Variants in WDTC1 observed in about 807,000 individuals in gnomAD.
WDTC1 encodes the protein WD and tetratricopeptide repeats 1.
WDTC1 carries 12 observed loss-of-function variants against 76.0 expected under a neutral mutation model. That is an observed-to-expected ratio of 0.16 (90% CI 0.10 to 0.26). The LOEUF is 0.26. Ranked by LOEUF, WDTC1 falls within the 10% of genes least tolerant of loss-of-function variation. The pLI is 1.00. For synonymous variants in WDTC1, 326 were observed against 350.8 expected, an observed-to-expected ratio of 0.93 and a Z score of 0.79; for missense variants, 511 against 908.8, an observed-to-expected ratio of 0.56 and a Z score of 5.63.
In WDTC1 at chr1:27,246,710, C is replaced by T. The variant is rs371979443; in HGVS notation, c.-100+11759C>T. 9.9e-4 allele frequency among the ~76,000 whole-genome samples: 147 copies of T among 149,058 alleles called. 3 individuals are homozygous for T. In the South Asian group the frequency reaches 0.027, roughly 27 times the overall value. On this transcript the variant is annotated intron_variant, in intron 1 of 15. Transcript: ENST00000319394. Reference sequence around the variant, plus strand: ...CTGAGTAGCTGGGATTACAGGTGCCCGCCACCACGCCCGGCTAATTTTTGT... The same window carrying T: ...CTGAGTAGCTGGGATTACAGGTGCCTGCCACCACGCCCGGCTAATTTTTGT...
rs780999210 is a variant in WDTC1, at chr1:27,305,025, C to T, written c.1668C>T (p.Gly556=). 5.0e-6 allele frequency: 8 copies of T among 1,613,966 alleles called. No homozygotes were observed. The highest frequency in any genetic ancestry group is 6.8e-6 in the Non-Finnish European group (8 of 1,179,906). ...GCAACGCTCAGTATATCGTCAGTGGCTCTGACGATGGCTCCTTCTTCATCT... is the reference window on the plus strand; with the variant it reads ...GCAACGCTCAGTATATCGTCAGTGGTTCTGACGATGGCTCCTTCTTCATCT... ...FGSNAQYIVS[G]SDDGSFFIWE... is the part of the protein sequence containing the mutation. Residue 556 remains glycine (G), a synonymous_variant, in exon 15 of 16, where the codon GGC becomes GGT. Coordinates refer to ENST00000319394, the MANE Select transcript of WDTC1 (RefSeq NM_001276252.2). This position sits in a 1 kb window ranked among gnomAD's most constrained non-coding sequence, Gnocchi z 4.6.
chr1:27,293,653 C>T (rs1324993579), intron 7 of WDTC1, among the ~76,000 whole-genome samples: 3 of 152,056 alleles, frequency 2.0e-5, no homozygotes, highest in Non-Finnish European at 4.4e-5. Context: ...CTGGGCTTTC[C>T]ATGATTCTTG....
chr1:27,288,070 C>G lies in WDTC1; in HGVS notation c.479+209C>G, dbSNP rs2013395515. 2.6e-5 allele frequency among the ~76,000 whole-genome samples: 4 copies of G among 152,152 alleles called. No individual in the cohort carries two copies. In the South Asian group the frequency reaches 8.3e-4, roughly 32 times the overall value. ...CTCTTTGCCCTCCTTTGTACTACCT[C>G]TAGGCCCACAAGCTTTTTCTCACCA... On this transcript the variant is annotated intron_variant, in intron 6 of 15. Coordinates refer to ENST00000319394, the MANE Select transcript of WDTC1 (RefSeq NM_001276252.2).
At chr1:27,281,685 C>CTCA (rs756329872) in intron 3 of WDTC1, among the ~76,000 whole-genome samples, 2 of 152,032 alleles carry the variant, frequency 1.3e-5, no homozygotes. Flanking sequence ...ACCTCCCAGG[C>CTCA]TCAAGTCATC....
intron 11 of WDTC1, 147 bp from the exon 12 acceptor site, chr1:27,297,791 A>G: frequency 1.4e-6 from 1 of 731,030 alleles, no homozygotes; most frequent in East Asian, 2.9e-5. Context: ...AATATCCCAG[A>G]CCAGGGTAGT....
At position 27,274,816 on chromosome 1, in the gene WDTC1, G is replaced by A. The variant is rs114588600; in HGVS notation, c.133-7423G>A. Among the ~76,000 whole-genome samples, 1,928 of 152,282 alleles carry A rather than the reference G, an allele frequency of 0.013. 23 individuals are homozygous for A. The highest frequency in any genetic ancestry group is 0.024 in the East Asian group (125 of 5,188). ...CCAGGGATCTCCCAAGATCACCTTGGAAGTTGTGATCACACTTTGATTCCT... is the reference window on the plus strand; with the variant it reads ...CCAGGGATCTCCCAAGATCACCTTGAAAGTTGTGATCACACTTTGATTCCT... On this transcript the variant is annotated intron_variant, in intron 3 of 15. Coordinates refer to ENST00000319394, the MANE Select transcript of WDTC1 (RefSeq NM_001276252.2). This position sits in a 1 kb window ranked among gnomAD's most constrained non-coding sequence, Gnocchi z 4.2.
intron 3 of WDTC1, 100 bp from the exon 4 acceptor site, chr1:27,282,139 G>A: frequency 8.6e-7 from 1 of 1,167,848 alleles, no homozygotes; most frequent in Non-Finnish European, 1.3e-6. Context: ...TATTGAAAAT[G>A]GAAAGACTGG....
At position 27,301,358 on chromosome 1, in the gene WDTC1, C is replaced by T. The variant is rs2013828052; in HGVS notation, c.1365C>T (p.Cys455=). 6.2e-7 allele frequency: 1 copy of T among 1,614,206 alleles called. No individual in the cohort carries two copies. The highest frequency in any genetic ancestry group is 1.3e-5 in the African/African-American group (1 of 75,044). Residue 455 remains cysteine, a synonymous_variant, in exon 13 of 16, where the codon TGC becomes TGT. Coordinates refer to ENST00000319394, the MANE Select transcript of WDTC1 (RefSeq NM_001276252.2). The surrounding 1 kb of genome is among the most constrained non-coding windows in gnomAD (Gnocchi z 5.8). Reference sequence around the variant, plus strand: ...AGTATGTGGCTGAAGCCCTGGAGTGCCTGGACGACTTCAAAGGGAAATTTC... The same window carrying T: ...AGTATGTGGCTGAAGCCCTGGAGTGTCTGGACGACTTCAAAGGGAAATTTC... The part of the protein sequence containing the change: ...ELKYVAEALE[C]LDDFKGKFPE...
In WDTC1 at chr1:27,268,874, C is replaced by A. The variant is rs569136280; in HGVS notation, c.132+5639C>A. Among the ~76,000 whole-genome samples the A allele has an allele frequency of 3.3e-5, 5 of 151,294 alleles. No homozygotes were observed. In the South Asian group the frequency reaches 6.3e-4, roughly 19 times the overall value. ...GGACTACAGGTGCACGCCACCACAC[C>A]CAGCTAATTTTTGTATTTTTAGTAG... On this transcript the variant is annotated intron_variant, in intron 3 of 15. Transcript: ENST00000319394.
chr1:27,234,882 G>T lies in WDTC1; in HGVS notation c.-169G>T. 1 of 395,806 alleles carries T rather than the reference G, an allele frequency of 2.5e-6. No individual in the cohort carries two copies. Among genetic ancestry groups the T allele is most frequent in the African/African-American group, 2.1e-5 (1 of 48,428 alleles). 24.5% of individuals were successfully genotyped at this position (395,806 alleles called of 1,614,324 possible). On this transcript the variant is annotated 5_prime_UTR_variant, in exon 1 of 16. Transcript: ENST00000319394. ...CCGCGCCCCCCTTCCCGGGAGAGGG[G>T]CCGCCCCCCCCGGACGGACATGGGC... is the stretch of plus-strand genomic sequence containing the variant.
chr1:27,293,511 ATTC>A (rs1302500643), intron 7 of WDTC1, among the ~76,000 whole-genome samples: 1 of 150,092 alleles, frequency 6.7e-6, no homozygotes, highest in African/African-American at 2.5e-5. Context: ...ATATTTATTT[ATTC>A]TTATAATTTC....
At chr1:27,264,270 A>T (rs1349852731) in intron 3 of WDTC1, among the ~76,000 whole-genome samples, 2 of 152,158 alleles carry the variant, frequency 1.3e-5, no homozygotes, top group African/African-American at 2.4e-5. Flanking sequence ...CCTGGACAAC[A>T]GAGTGAAACT....
At chr1:27,288,871 C>T (rs2147971503) in intron 6 of WDTC1, among the ~76,000 whole-genome samples, 1 of 152,310 alleles carries the variant, frequency 6.6e-6, no homozygotes, top group Admixed American at 6.5e-5. Context: ...TTGGGTACAC[C>T]TCCCAGACGG....
At chr1:27,271,965 G>T (rs2012881275) in intron 3 of WDTC1, among the ~76,000 whole-genome samples, 1 of 149,488 alleles carries the variant, frequency 6.7e-6, no homozygotes, top group Non-Finnish European at 1.5e-5. Context: ...TAAAAAATAG[G>T]CTAGGCACGG....
intron 1 of WDTC1, among the ~76,000 whole-genome samples, chr1:27,243,666 A>G (rs565382623): frequency 2.0e-5 from 3 of 152,176 alleles, no homozygotes; most frequent in Admixed American, 2.0e-4. Flanking sequence ...CACCTGTCTC[A>G]TAGGATTATT....
At chr1:27,299,395 C>T (rs1389033357) in intron 12 of WDTC1, among the ~76,000 whole-genome samples, 1 of 152,032 alleles carries the variant, frequency 6.6e-6, no homozygotes, top group Non-Finnish European at 1.5e-5. Flanking sequence ...AAAGTTGGGT[C>T]GCTTTAGCTG....
intron 3 of WDTC1, among the ~76,000 whole-genome samples, chr1:27,281,701 A>G (rs2013196256): frequency 6.6e-6 from 1 of 151,964 alleles, no homozygotes; most frequent in African/African-American, 2.4e-5. Flanking sequence ...TCATCCTCCC[A>G]ACCTCAGCCT....
At chr1:27,245,450 G>A (rs1280182046) in intron 1 of WDTC1, among the ~76,000 whole-genome samples, 4 of 151,784 alleles carry the variant, frequency 2.6e-5, no homozygotes, top group East Asian at 1.9e-4. Context: ...GAGAAGCCAC[G>A]TAAATAACCA....
At chr1:27,262,155 C>T (rs1029055012) in intron 2 of WDTC1, among the ~76,000 whole-genome samples, 4 of 151,890 alleles carry the variant, frequency 2.6e-5, no homozygotes, top group African/African-American at 7.3e-5. Context: ...ATCTTGATCT[C>T]CTGACCTCGT....
Sources: gnomAD v4.1 joint callset for allele counts (sites outside exome capture counted in the v4.1 genomes callset) on GRCh38, gnomAD v4.1.1 for gene constraint, Gnocchi (gnomAD v3.1) non-coding constraint, MANE v1.5 for transcripts, NCBI Gene and HGNC (gene_info 2026-07-23, HGNC 2026-07-21) for gene names.